Variants in C1QTNF2 observed in about 807,000 individuals in gnomAD.
C1QTNF2 encodes complement C1q tumor necrosis factor-related protein 2.
In C1QTNF2, 15 loss-of-function variants were observed where a neutral mutation model predicts 17.4. That is an observed-to-expected ratio of 0.86 (90% CI 0.58 to 1.33). The LOEUF (loss-of-function observed/expected upper bound fraction) is 1.33, where lower values mean the gene tolerates loss of function less well. Ranked by LOEUF, C1QTNF2 falls within the 40% of genes most tolerant of loss-of-function variation. The pLI, the probability that C1QTNF2 is intolerant of heterozygous loss-of-function variation, is 0.00. For missense variants in C1QTNF2, 381 were observed against 392.3 expected, an observed-to-expected ratio of 0.97 and a Z score of 0.24; for synonymous variants, 154 against 163.3, an observed-to-expected ratio of 0.94 and a Z score of 0.44.
At chr5:160,364,964 T>C (rs1764220239) in intron 1 of C1QTNF2, among the ~76,000 whole-genome samples, 1 of 152,180 alleles carries the variant, frequency 6.6e-6, no homozygotes. Flanking sequence ...TGGTTTATTA[T>C]TACTGCCTTT....
In C1QTNF2 at chr5:160,348,728, A is replaced by T. The variant is rs1459563864; in HGVS notation, c.*440T>A. On this transcript the variant is annotated 3_prime_UTR_variant, in exon 3 of 3. Coordinates refer to ENST00000652664, the MANE Select transcript of C1QTNF2 (RefSeq NM_031908.6). ...AGAGTCACTGTATGTAAGTAAACCT[A>T]AAAACGCAAACTTAAAAAAAGAAAC... 1 of 159,432 alleles carries T rather than the reference A, an allele frequency of 6.3e-6. No homozygotes were observed. The highest frequency in any genetic ancestry group is 2.4e-5 in the African/African-American group (1 of 41,510). 9.9% of individuals were successfully genotyped at this position (159,432 alleles called of 1,614,324 possible). A position where few individuals can be genotyped will look rare whatever the true frequency, so the allele number is the denominator to read the frequency against.
chr5:160,370,446 G>A, intron 1 of C1QTNF2, 66 bp downstream of exon 1: 1 of 1,365,658 alleles, frequency 7.3e-7, no homozygotes, highest in East Asian at 3.1e-5. Flanking sequence ...AGCAGTGCGA[G>A]TCCTCCTCCT....
At chr5:160,358,799 C>A (rs1764097860) in intron 1 of C1QTNF2, among the ~76,000 whole-genome samples, 1 of 151,480 alleles carries the variant, frequency 6.6e-6, no homozygotes, top group Non-Finnish European at 1.5e-5. Flanking sequence ...ATCTACATTG[C>A]TTTTTTTATC....
At chr5:160,354,612 A>ATATC (rs1268520636) in intron 2 of C1QTNF2, among the ~76,000 whole-genome samples, 156 bp downstream of exon 2, 4 of 137,846 alleles carry the variant, frequency 2.9e-5, no homozygotes, top group African/African-American at 1.1e-4. Flanking sequence ...ATATATATAT[A>ATATC]TATATATATA....
intron 1 of C1QTNF2, among the ~76,000 whole-genome samples, chr5:160,361,896 T>G (rs1434933847): frequency 6.6e-6 from 1 of 152,202 alleles, no homozygotes; most frequent in African/African-American, 2.4e-5. Flanking sequence ...TGGCCCAATT[T>G]GTGATTATGT....
At chr5:160,368,029 T>A (rs1342252043) in intron 1 of C1QTNF2, among the ~76,000 whole-genome samples, 1 of 152,142 alleles carries the variant, frequency 6.6e-6, no homozygotes, top group Non-Finnish European at 1.5e-5. Context: ...GGTCAATGTT[T>A]GGGTGGAACT....
At chr5:160,357,456 G>A (rs1278511266) in intron 1 of C1QTNF2, among the ~76,000 whole-genome samples, 1 of 152,218 alleles carries the variant, frequency 6.6e-6, no homozygotes, top group Admixed American at 6.5e-5. Flanking sequence ...AATGTTACAT[G>A]AATGACAGGT....
chr5:160,353,708 G>C (rs1763970536), intron 2 of C1QTNF2, among the ~76,000 whole-genome samples: 2 of 148,510 alleles, frequency 1.3e-5, no homozygotes. Context: ...AACAAACACA[G>C]AGAGAAGCAG....
rs1406796827 is a variant in C1QTNF2, at chr5:160,348,978, GAATA to G, written c.*186_*189del. On this transcript the variant is annotated 3_prime_UTR_variant, in exon 3 of 3. Transcript: ENST00000652664. ...CACAGTAGATACTTTAAAAAGAAGT[GAATA>G]AATAGATGGTTGGATGAATAAAAAG... The G allele has an allele frequency of 1.5e-6, 1 of 652,196 alleles. No homozygotes were observed. Among genetic ancestry groups the G allele is most frequent in the East Asian group, 2.8e-5 (1 of 36,132 alleles). 40.4% of individuals were successfully genotyped at this position (652,196 alleles called of 1,614,324 possible).
At chr5:160,351,873 G>A (rs1326449503) in intron 2 of C1QTNF2, among the ~76,000 whole-genome samples, 15 of 149,806 alleles carry the variant, frequency 1.0e-4, no homozygotes, top group Non-Finnish European at 1.2e-4. Context: ...ACAAAAGGTG[G>A]GAAAAGGGGC....
chr5:160,349,021 G>T lies in C1QTNF2; in HGVS notation c.*147C>A. On this transcript the variant is annotated 3_prime_UTR_variant, in exon 3 of 3. Transcript: ENST00000652664. The surrounding 1 kb of genome is among the most constrained non-coding windows in gnomAD (Gnocchi z 4.3). Reference sequence around the variant, plus strand: ...ATGAATAAAAAGGTTTGGATTTAATGAAGGGGAAAAAAAGAGGCAGAGGAG... The same window carrying T: ...ATGAATAAAAAGGTTTGGATTTAATTAAGGGGAAAAAAAGAGGCAGAGGAG... 2.1e-6 allele frequency: 2 copies of T among 945,620 alleles called. No homozygotes were observed. Among genetic ancestry groups the T allele is most frequent in the Non-Finnish European group, 3.1e-6 (2 of 638,042 alleles). The allele number at this position is 945,620 out of a possible 1,614,324, so 58.6% of individuals were successfully genotyped here.
intron 2 of C1QTNF2, among the ~76,000 whole-genome samples, 169 bp downstream of exon 2, chr5:160,354,594 AAAAGT>A (rs1197228749): frequency 1.6e-4 from 7 of 43,386 alleles, no homozygotes; most frequent in South Asian, 9.2e-4. Context: ...GAAAAAAAAA[AAAAGT>A]ATATATATAT....
chr5:160,366,662 T>C (rs540195089), intron 1 of C1QTNF2, among the ~76,000 whole-genome samples: 2 of 152,370 alleles, frequency 1.3e-5, no homozygotes, highest in East Asian at 3.9e-4. Context: ...AGGTGTGCCC[T>C]ACTTTACACA....
At chr5:160,358,259 G>C (rs1764087895) in intron 1 of C1QTNF2, among the ~76,000 whole-genome samples, 1 of 152,200 alleles carries the variant, frequency 6.6e-6, no homozygotes, top group African/African-American at 2.4e-5. Context: ...CCTAGAGGAA[G>C]GGAGGGAGAG....
intron 1 of C1QTNF2, among the ~76,000 whole-genome samples, chr5:160,357,905 G>A (rs1764081383): frequency 6.6e-6 from 1 of 152,236 alleles, no homozygotes; most frequent in Non-Finnish European, 1.5e-5. Context: ...CCGGACGAGA[G>A]AGAGGGAGAG....
At chr5:160,358,774 T>C (rs775074990) in intron 1 of C1QTNF2, among the ~76,000 whole-genome samples, 10 of 152,078 alleles carry the variant, frequency 6.6e-5, no homozygotes, top group Non-Finnish European at 1.3e-4. Context: ...TTCCAGGCAC[T>C]GTGTGAAGCC....
Position 160,349,624 on chromosome 5 carries a change from C to A in C1QTNF2, c.402G>T (p.Glu134Asp). Residue 134 changes from glutamate to aspartate, a missense_variant, in exon 3 of 3, where the codon GAG becomes GAT. Physicochemically the swap from Glu to Asp is conservative, Grantham distance 45 (BLOSUM62 2). Coordinates refer to ENST00000652664, the MANE Select transcript of C1QTNF2 (RefSeq NM_031908.6). This position sits in a 1 kb window ranked among gnomAD's most constrained non-coding sequence, Gnocchi z 4.3. ...AGCTGCAGGGGCCTGGGAGGCCTGGCTCCCCCTTCTTGCCCTTGGGCCCCT... is the reference window on the plus strand; with the variant it reads ...AGCTGCAGGGGCCTGGGAGGCCTGGATCCCCCTTCTTGCCCTTGGGCCCCT... ...GKKGPKGKKG[E>D]PGLPGPCSCG... 2 of 1,613,772 alleles carry A rather than the reference C, an allele frequency of 1.2e-6. No individual in the cohort carries two copies. The highest frequency in any genetic ancestry group is 2.2e-5 in the South Asian group (2 of 91,074).
chr5:160,355,323 G>GTCATCAGTCTCTGGGTC, intron 1 of C1QTNF2: 3 of 798,662 alleles, frequency 3.8e-6, no homozygotes, highest in Non-Finnish European at 4.5e-6. Flanking sequence ...TTATGACCCA[G>GTCATCAGTCTCTGGGTC]AGACTGATGA....
intron 2 of C1QTNF2, among the ~76,000 whole-genome samples, chr5:160,350,350 T>C (rs935278203): frequency 6.6e-6 from 1 of 152,168 alleles, no homozygotes; most frequent in Non-Finnish European, 1.5e-5. Context: ...ACGTGTGCTC[T>C]ATGAAACCTT....
Sources: allele counts gnomAD v4.1 joint callset (sites outside exome capture counted in the v4.1 genomes callset), GRCh38; gene constraint gnomAD v4.1.1; non-coding constraint Gnocchi (gnomAD v3.1); transcripts MANE v1.5; gene names NCBI Gene and HGNC (gene_info 2026-07-23, HGNC 2026-07-21).